NOP10: variants seen among roughly 807,000 people sequenced by gnomAD.
The protein encoded by NOP10 is H/ACA ribonucleoprotein complex subunit 3.
A neutral mutation model predicts 9.5 loss-of-function variants in NOP10; 6 were observed. The ratio of observed to expected loss-of-function variants is 0.63; its 90% CI spans 0.35 to 1.25. NOP10 has a LOEUF of 1.25. Ranked by LOEUF, NOP10 falls within the 50% of genes most tolerant of loss-of-function variation. The probability of loss-of-function intolerance (pLI) is 0.03; values close to 1 mark genes in which losing one functional copy is unlikely to be tolerated. For synonymous variants in NOP10, 28 were observed against 30.7 expected, an observed-to-expected ratio of 0.91 and a Z score of 0.29; for missense variants, 75 against 81.3, an observed-to-expected ratio of 0.92 and a Z score of 0.30.
At chr15:34,342,658 T>C (rs923860098) in intron 1 of NOP10, among the ~76,000 whole-genome samples, 3 of 151,554 alleles carry the variant, frequency 2.0e-5, no homozygotes, top group African/African-American at 7.3e-5. Flanking sequence ...GCGATTCTCC[T>C]GTCTCAGCCT....
chr15:34,341,890 G>T lies in NOP10; in HGVS notation c.*78C>A. ...GTATGGCTGGCAAAAAGGCATCAGG[G>T]CTCACAGTCCGAAGAGTTTGGTTAC... On this transcript the variant is annotated 3_prime_UTR_variant, in exon 2 of 2. Transcript: ENST00000328848. The T allele has an allele frequency of 2.0e-6, 3 of 1,474,256 alleles. No individual in the cohort carries two copies. The highest frequency in any genetic ancestry group is 2.8e-6 in the Non-Finnish European group (3 of 1,062,564). The allele number at this position is 1,474,256 out of a possible 1,614,324, so 91.3% of individuals were successfully genotyped here. A position where few individuals can be genotyped will look rare whatever the true frequency, so the allele number is the denominator to read the frequency against.
chr15:34,342,742 TCA>T (rs893461832), intron 1 of NOP10, among the ~76,000 whole-genome samples: 1 of 152,042 alleles, frequency 6.6e-6, no homozygotes, highest in Non-Finnish European at 1.5e-5. Context: ...AAACGGAGTT[TCA>T]CAGTGTTGCC....
chr15:34,342,092 C>T lies in NOP10; in HGVS notation c.71G>A (p.Gly24Glu). ...AGGATGGGCTGAGCAGGTCTGTTGT[C>T]CCATCGGGTCAAATTTCTGCTCCAG... ...VYTLKKFDPM[G>E]QQTCSAHPAR... Residue 24 changes from glycine (G) to glutamate (E), a missense_variant, in exon 2 of 2, where the codon GGA (glycine) becomes GAA (glutamate). Transcript: ENST00000328848. The T allele has an allele frequency of 1.9e-6, 3 of 1,613,956 alleles. No homozygotes were observed. Among genetic ancestry groups the T allele is most frequent in the Non-Finnish European group, 2.5e-6 (3 of 1,179,960 alleles).
chr15:34,342,087 G>A lies in NOP10; in HGVS notation c.76C>T (p.Gln26Ter). The change falls in exon 2 of 2, where the codon CAG (glutamine) becomes TAG (stop). Residue 26 changes from glutamine (Q) to a stop codon, truncating the protein, a stop_gained. Coordinates refer to ENST00000328848, the MANE Select transcript of NOP10 (RefSeq NM_018648.4). LOFTEE classifies it high-confidence loss of function. Reference sequence around the variant, plus strand: ...CGAGCAGGATGGGCTGAGCAGGTCTGTTGTCCCATCGGGTCAAATTTCTGC... The same window carrying A: ...CGAGCAGGATGGGCTGAGCAGGTCTATTGTCCCATCGGGTCAAATTTCTGC... ...TLKKFDPMGQ[Q>*]TCSAHPARFS... The A allele has an allele frequency of 6.2e-7, 1 of 1,614,094 alleles. No homozygotes were observed. Among genetic ancestry groups the A allele is most frequent in the Non-Finnish European group, 8.5e-7 (1 of 1,180,004 alleles).
Position 34,342,002 on chromosome 15 carries a change from A to C in NOP10, c.161T>G (p.Val54Gly), listed in dbSNP as rs1890485099. Residue 54 changes from valine to glycine, a missense_variant, in exon 2 of 2, where the codon GTG becomes GGG. Physicochemically the swap from Val to Gly is moderately radical, Grantham distance 109 (BLOSUM62 -3). Transcript: ENST00000328848. ...HRITIKKRFK[V>G]LMTQQPRPVL is the part of the protein sequence containing the mutation. ...AGGGCGCGGTTGCTGGGTCATGAGC[A>C]CCTTGAAGCGTTTCTTGATGGTGAT... 1 of 1,614,114 alleles carries C rather than the reference A, an allele frequency of 6.2e-7. No individual in the cohort carries two copies. Among genetic ancestry groups the C allele is most frequent in the Admixed American group, 1.7e-5 (1 of 60,012 alleles).
In NOP10 at chr15:34,343,036, C is replaced by G. The variant is rs762749739; in HGVS notation, c.38G>C (p.Arg13Pro). The G allele has an allele frequency of 1.1e-5, 18 of 1,614,020 alleles. No homozygotes were observed. The highest frequency in any genetic ancestry group is 1.5e-5 in the Non-Finnish European group (18 of 1,180,006). ...TCTCCTCACCTTCAGCGTATAGACT[C>G]GATCTCCCTGCTCGTTGAGGTAATA... is the stretch of plus-strand genomic sequence containing the variant. Reference protein sequence around the residue: ...LQYYLNEQGDRVYTLKKFDPM... With the variant: ...LQYYLNEQGDPVYTLKKFDPM... Residue 13 changes from arginine (R) to proline (P), a missense_variant, in exon 1 of 2, where the codon CGA becomes CCA. Physicochemically the swap from Arg to Pro is moderately radical, Grantham distance 103 (BLOSUM62 -2). Coordinates refer to ENST00000328848, the MANE Select transcript of NOP10 (RefSeq NM_018648.4).
In NOP10 at chr15:34,342,828, G is replaced by T. The variant is rs2615357; in HGVS notation, c.54+192C>A. On this transcript the variant is annotated intron_variant, in intron 1 of 1. Coordinates refer to ENST00000328848, the MANE Select transcript of NOP10 (RefSeq NM_018648.4). ...TCCCAAAGTGCTAGGATTACAGGCG[G>T]GAGCCACTGCGCCCCGCCAGAATTT... Among the ~76,000 whole-genome samples the T allele has an allele frequency of 0.43, 65,126 of 151,802 alleles. 15,460 individuals are homozygous for T. The highest frequency in any genetic ancestry group is 0.65 in the African/African-American group (26,965 of 41,394).
In NOP10 at chr15:34,341,917, G is replaced by A. The variant is rs1190550923; in HGVS notation, c.*51C>T. On this transcript the variant is annotated 3_prime_UTR_variant, in exon 2 of 2. Coordinates refer to ENST00000328848, the MANE Select transcript of NOP10 (RefSeq NM_018648.4). ...TCACAGTCCGAAGAGTTTGGTTACG[G>A]AGTCTCCGAGGGGTAACAGGTGGCA... 1 of 1,597,322 alleles carries A rather than the reference G, an allele frequency of 6.3e-7. No individual in the cohort carries two copies. Among genetic ancestry groups the A allele is most frequent in the South Asian group, 1.1e-5 (1 of 90,448 alleles).
Position 34,341,942 on chromosome 15 carries a change from A to C in NOP10, c.*26T>G. The C allele has an allele frequency of 6.2e-7, 1 of 1,612,718 alleles. No individual in the cohort carries two copies. The highest frequency in any genetic ancestry group is 8.5e-7 in the Non-Finnish European group (1 of 1,179,674). On this transcript the variant is annotated 3_prime_UTR_variant, in exon 2 of 2. Coordinates refer to ENST00000328848, the MANE Select transcript of NOP10 (RefSeq NM_018648.4). Reference sequence around the variant, plus strand: ...GAGTCTCCGAGGGGTAACAGGTGGCAGAAAAGACATCAGTTTAAGGGACCC... The same window carrying C: ...GAGTCTCCGAGGGGTAACAGGTGGCCGAAAAGACATCAGTTTAAGGGACCC...
At chr15:34,342,564 TAAAAAAAAA>T (rs750902937) in intron 1 of NOP10, among the ~76,000 whole-genome samples, 4 of 102,752 alleles carry the variant, frequency 3.9e-5, no homozygotes, top group African/African-American at 1.5e-4. Context: ...TCCCTGTCTT[TAAAAAAAAA>T]AAAAAAAAAA....
chr15:34,342,994 A>C, intron 1 of NOP10, 26 bp downstream of exon 1: 1 of 1,607,836 alleles, frequency 6.2e-7, no homozygotes, highest in Non-Finnish European at 8.5e-7. Flanking sequence ...CGCCATGCCT[A>C]TTTACACCCT....
chr15:34,342,188 A>T, intron 1 of NOP10, 80 bp from the exon 2 acceptor site: 1 of 1,224,738 alleles, frequency 8.2e-7, no homozygotes, highest in Non-Finnish European at 1.2e-6. Flanking sequence ...GGCAAACATG[A>T]AAATAGAAGA....
At chr15:34,342,264 G>C (rs572748894) in intron 1 of NOP10, among the ~76,000 whole-genome samples, 156 bp from the exon 2 acceptor site, 1 of 152,074 alleles carries the variant, frequency 6.6e-6, no homozygotes, top group Non-Finnish European at 1.5e-5. Flanking sequence ...AAGGCCGAGC[G>C]CGGTGGCTCA....
Position 34,343,079 on chromosome 15 carries a change from C to T in NOP10, c.-6G>A, listed in dbSNP as rs779135425. On this transcript the variant is annotated 5_prime_UTR_variant, in exon 1 of 2. Transcript: ENST00000328848. Reference sequence around the variant, plus strand: ...AGGTAATACTGGAGAAACATGATCGCTTATAAGCCAGCGGTCCCAATTCGG... The same window carrying T: ...AGGTAATACTGGAGAAACATGATCGTTTATAAGCCAGCGGTCCCAATTCGG... 2 of 1,614,038 alleles carry T rather than the reference C, an allele frequency of 1.2e-6. No individual in the cohort carries two copies. Among genetic ancestry groups the T allele is most frequent in the Non-Finnish European group, 1.7e-6 (2 of 1,180,002 alleles).
At position 34,341,792 on chromosome 15, in the gene NOP10, C is replaced by T. The variant is rs1366766310; in HGVS notation, c.*176G>A. On this transcript the variant is annotated 3_prime_UTR_variant, in exon 2 of 2. Coordinates refer to ENST00000328848, the MANE Select transcript of NOP10 (RefSeq NM_018648.4). ...GAGAAAAAAAAGTCAAATGTGTTCCCTTTATGGGTGATGCCACCATGATTG... is the reference window on the plus strand; with the variant it reads ...GAGAAAAAAAAGTCAAATGTGTTCCTTTTATGGGTGATGCCACCATGATTG... 1 of 702,870 alleles carries T rather than the reference C, an allele frequency of 1.4e-6. No individual in the cohort carries two copies. The allele number at this position is 702,870 out of a possible 1,614,324, so 43.5% of individuals were successfully genotyped here.
At chr15:34,342,583 A>G (rs1280450481) in intron 1 of NOP10, among the ~76,000 whole-genome samples, 2 of 151,074 alleles carry the variant, frequency 1.3e-5, no homozygotes, top group African/African-American at 2.4e-5. Flanking sequence ...AAAAAAAAAA[A>G]AAAAGGAAAA....
At chr15:34,342,220 T>C in intron 1 of NOP10, 112 bp from the exon 2 acceptor site, 1 of 961,328 alleles carries the variant, frequency 1.0e-6, no homozygotes, top group Non-Finnish European at 1.7e-6. Context: ...ACTCAAAAAG[T>C]TGTACAAATA....
Position 34,341,795 on chromosome 15 carries a change from T to TATGGGTGATGCCACC in NOP10, c.*158_*172dup. On this transcript the variant is annotated 3_prime_UTR_variant, in exon 2 of 2. Coordinates refer to ENST00000328848, the MANE Select transcript of NOP10 (RefSeq NM_018648.4). The stretch of plus-strand genomic sequence containing the variant: ...AAAAAAAAGTCAAATGTGTTCCCTT[T>TATGGGTGATGCCACC]ATGGGTGATGCCACCATGATTGCCT... 1 of 707,752 alleles carries TATGGGTGATGCCACC rather than the reference T, an allele frequency of 1.4e-6. No homozygotes were observed. Among genetic ancestry groups the TATGGGTGATGCCACC allele is most frequent in the Non-Finnish European group, 2.6e-6 (1 of 389,690 alleles). 43.8% of individuals were successfully genotyped at this position (707,752 alleles called of 1,614,324 possible).
chr15:34,343,046 G>A lies in NOP10; in HGVS notation c.28C>T (p.Gln10Ter), dbSNP rs1890511306. 6.2e-7 allele frequency: 1 copy of A among 1,613,956 alleles called. No homozygotes were observed. Among genetic ancestry groups the A allele is most frequent in the South Asian group, 1.1e-5 (1 of 91,080 alleles). Residue 10 changes from glutamine to a stop codon, truncating the protein, a stop_gained, in exon 1 of 2, where the codon CAG becomes TAG. Transcript: ENST00000328848. LOFTEE classifies it high-confidence loss of function. ...TTCAGCGTATAGACTCGATCTCCCT[G>A]CTCGTTGAGGTAATACTGGAGAAAC... MFLQYYLNE[Q>*]GDRVYTLKKF... is the part of the protein sequence containing the mutation.
Sources: allele counts gnomAD v4.1 joint callset (sites outside exome capture counted in the v4.1 genomes callset), GRCh38; gene constraint gnomAD v4.1.1; transcripts MANE v1.5; gene names NCBI Gene and HGNC (gene_info 2026-07-23, HGNC 2026-07-21).